Variants in BPIFB4 observed in about 807,000 individuals in gnomAD.
BPIFB4 encodes BPI fold-containing family B member 4.
Under a neutral mutation model 69.2 loss-of-function variants are expected in BPIFB4, and 62 were observed. The ratio of observed to expected loss-of-function variants is 0.90; its 90% CI spans 0.73 to 1.11. The LOEUF (loss-of-function observed/expected upper bound fraction) is 1.11. Among genes scored for constraint, BPIFB4 ranks in the 50% least tolerant of loss-of-function variants. The pLI is 0.00. For missense variants in BPIFB4, 789 were observed against 792.0 expected, an observed-to-expected ratio of 1.00 and a Z score of 0.04; for synonymous variants, 330 against 332.7, an observed-to-expected ratio of 0.99 and a Z score of 0.09.
At chr20:33,098,459 C>A (rs1476509818) in intron 13 of BPIFB4, among the ~76,000 whole-genome samples, 1 of 152,034 alleles carries the variant, frequency 6.6e-6, no homozygotes, top group Non-Finnish European at 1.5e-5. Flanking sequence ...AAAATGTGAA[C>A]CATGGCCAGG....
chr20:33,103,877 T>A (rs918875193), intron 15 of BPIFB4, among the ~76,000 whole-genome samples: 3 of 152,212 alleles, frequency 2.0e-5, no homozygotes, highest in African/African-American at 7.2e-5. Context: ...ATCTCTGGAC[T>A]CCAAGTGAAG....
At chr20:33,094,959 C>G (rs1168814389) in intron 11 of BPIFB4, 141 bp from the exon 12 acceptor site, 2 of 807,290 alleles carry the variant, frequency 2.5e-6, no homozygotes, top group Non-Finnish European at 4.2e-6. Flanking sequence ...GCAGGACTTC[C>G]CCAGGGGTCT....
intron 15 of BPIFB4, 52 bp from the exon 16 acceptor site, chr20:33,104,758 T>C (rs1324857005): frequency 6.3e-7 from 1 of 1,575,280 alleles, no homozygotes; most frequent in African/African-American, 1.3e-5. Flanking sequence ...AGGGGCCCTC[T>C]GGAGCTGAGC....
intron 7 of BPIFB4, among the ~76,000 whole-genome samples, chr20:33,087,717 A>ACC (rs375100979): frequency 1.7e-5 from 1 of 59,398 alleles, no homozygotes; most frequent in Admixed American, 2.1e-4. Context: ...CTATCCCCTC[A>ACC]ACACACACAC....
At chr20:33,086,743 G>A (rs1981441969) in intron 7 of BPIFB4, among the ~76,000 whole-genome samples, 1 of 152,206 alleles carries the variant, frequency 6.6e-6, no homozygotes, top group Admixed American at 6.5e-5. Context: ...ACCTGGTGAG[G>A]GGATGAGAGT....
At position 33,090,752 on chromosome 20, in the gene BPIFB4, T is replaced by G; in HGVS notation, c.1096T>G (p.Ser366Ala). ...GILGSVQYTF[S>A]SLPLVTGEFL... ...ATTGGGAAGTGTCCAGTACACCTTC[T>G]CCAGCCTCCCGCTTGTGACCGGGGA... The change falls in exon 10 of 18, where the codon TCC (serine) becomes GCC (alanine). Residue 366 changes from serine (S) to alanine (A), a missense_variant. Ser to Ala is a moderately conservative substitution (Grantham distance 99). Transcript: ENST00000375483. 6.2e-7 allele frequency: 1 copy of G among 1,614,200 alleles called. No homozygotes were observed.
At position 33,083,508 on chromosome 20, in the gene BPIFB4, G is replaced by A. The variant is rs773000957; in HGVS notation, c.311G>A (p.Arg104Gln). 17 of 1,613,922 alleles carry A rather than the reference G, an allele frequency of 1.1e-5. No individual in the cohort carries two copies. The highest frequency in any genetic ancestry group is 1.4e-5 in the Non-Finnish European group (17 of 1,179,988). Residue 104 changes from arginine (R) to glutamine (Q), a missense_variant, in exon 5 of 18, where the codon CGA becomes CAA. By Grantham distance (43) the Arg-to-Gln change is conservative. Around this residue, in one of 3 missense-constraint regions of BPIFB4, gnomAD observed 611 missense variants for 575.4 expected, o/e 1.06. Coordinates refer to ENST00000375483, the MANE Select transcript of BPIFB4 (RefSeq NM_182519.3). Reference sequence around the variant, plus strand: ...ACTGCTCAGCTGGGGGGCAAATACCGATATGGTGAGATCCTTGAGTCCGAG... The same window carrying A: ...ACTGCTCAGCTGGGGGGCAAATACCAATATGGTGAGATCCTTGAGTCCGAG... ...DNTAQLGGKY[R>Q]YGEILESEGS...
At chr20:33,104,350 A>G (rs985187040) in intron 15 of BPIFB4, among the ~76,000 whole-genome samples, 1 of 152,140 alleles carries the variant, frequency 6.6e-6, no homozygotes, top group Non-Finnish European at 1.5e-5. Context: ...TCACTGACCC[A>G]TTTTACAGCT....
Position 33,100,414 on chromosome 20 carries a change from C to G in BPIFB4, c.1570-12C>G, listed in dbSNP as rs759177426. On this transcript the variant is annotated splice_polypyrimidine_tract_variant and intron_variant, in intron 13 of 17. Coordinates refer to ENST00000375483, the MANE Select transcript of BPIFB4 (RefSeq NM_182519.3). ...AAGGCAGTGACGTCTTTCTCCTTTC[C>G]TTTCCCTCCAGGACACAGAATTCTT... The G allele has an allele frequency of 2.5e-6, 4 of 1,584,748 alleles. No individual in the cohort carries two copies. The East Asian group carries it at 6.7e-5, about 27-fold the overall frequency.
In BPIFB4 at chr20:33,090,151, T is replaced by C. The variant is rs181391330; in HGVS notation, c.1052-557T>C. Reference sequence around the variant, plus strand: ...TACAGTGCAATGGCAGTGCCTCGAGTTGTGCAGTGCACAGCCTCCACAGCC... The same window carrying C: ...TACAGTGCAATGGCAGTGCCTCGAGCTGTGCAGTGCACAGCCTCCACAGCC... On this transcript the variant is annotated intron_variant, in intron 9 of 17. Transcript: ENST00000375483. Among the ~76,000 whole-genome samples the C allele has an allele frequency of 3.6e-3, 550 of 152,296 alleles. 4 individuals are homozygous for C. The highest frequency in any genetic ancestry group is 5.2e-3 in the Non-Finnish European group (354 of 68,026).
At chr20:33,090,655 A>G (rs1981569817) in intron 9 of BPIFB4, 53 bp from the exon 10 acceptor site, 1 of 1,604,676 alleles carries the variant, frequency 6.2e-7, no homozygotes, top group Non-Finnish European at 8.5e-7. Context: ...ATGAGGAGGG[A>G]AGGCATCTGG....
intron 1 of BPIFB4, among the ~76,000 whole-genome samples, chr20:33,080,196 C>T (rs558689135): frequency 8.6e-4 from 126 of 147,172 alleles, no homozygotes; most frequent in Middle Eastern, 3.6e-3. Flanking sequence ...AATTTGGGGG[C>T]GCTGTGAAGT....
intron 1 of BPIFB4, among the ~76,000 whole-genome samples, 165 bp from the exon 2 acceptor site, chr20:33,080,304 G>T (rs1207268726): frequency 1.3e-5 from 2 of 152,176 alleles, no homozygotes; most frequent in African/African-American, 2.4e-5. Flanking sequence ...CATGCCCTGT[G>T]CTGACTCTCT....
At chr20:33,095,894 C>T (rs1228818496) in intron 12 of BPIFB4, among the ~76,000 whole-genome samples, 1 of 152,102 alleles carries the variant, frequency 6.6e-6, no homozygotes, top group Non-Finnish European at 1.5e-5. Flanking sequence ...CCTTTCCCAC[C>T]CCAGTTCTGG....
chr20:33,097,506 G>A, intron 12 of BPIFB4, 111 bp from the exon 13 acceptor site: 1 of 1,197,716 alleles, frequency 8.3e-7, no homozygotes, highest in Non-Finnish European at 1.2e-6. Flanking sequence ...TGGTTTGTTG[G>A]ACTCAAGCAA....
chr20:33,111,572 T>G lies in BPIFB4; in HGVS notation c.*135T>G. ...GTCCCTCCCTGGCCCCCCAACCCTC[T>G]TCCTCCCTTGCCCCAACCCTGAGAA... On this transcript the variant is annotated 3_prime_UTR_variant, in exon 18 of 18. Transcript: ENST00000375483. 2 of 1,093,416 alleles carry G rather than the reference T, an allele frequency of 1.8e-6. No individual in the cohort carries two copies. Among genetic ancestry groups the G allele is most frequent in the Non-Finnish European group, 1.3e-6 (1 of 741,118 alleles). 67.7% of individuals were successfully genotyped at this position (1,093,416 alleles called of 1,614,324 possible). A position where few individuals can be genotyped will look rare whatever the true frequency, so the allele number is the denominator to read the frequency against.
chr20:33,095,242 G>C (rs1004499128), intron 12 of BPIFB4, 89 bp downstream of exon 12: 1 of 1,384,410 alleles, frequency 7.2e-7, no homozygotes, highest in Non-Finnish European at 1.0e-6. Context: ...GCTCAGCGCT[G>C]GGGTGGGGTG....
At chr20:33,085,362 G>C (rs1217501765) in intron 6 of BPIFB4, among the ~76,000 whole-genome samples, 1 of 152,240 alleles carries the variant, frequency 6.6e-6, no homozygotes, top group Non-Finnish European at 1.5e-5. Flanking sequence ...GGCTGAGGCA[G>C]GAGAATCGCT....
chr20:33,105,590 C>G (rs1982026180), intron 16 of BPIFB4, among the ~76,000 whole-genome samples: 1 of 152,210 alleles, frequency 6.6e-6, no homozygotes, highest in Admixed American at 6.5e-5. Context: ...TGCCCAAGCC[C>G]TGGGGTCACT....
Sources: allele counts gnomAD v4.1 joint callset (sites outside exome capture counted in the v4.1 genomes callset), GRCh38; gene constraint gnomAD v4.1.1; regional missense constraint gnomAD v4.1.1; transcripts MANE v1.5; gene names NCBI Gene and HGNC (gene_info 2026-07-23, HGNC 2026-07-21).